PGM5: variants seen among roughly 807,000 people sequenced by gnomAD.
The protein encoded by PGM5 is phosphoglucomutase 5.
PGM5 carries 23 observed loss-of-function variants against 59.2 expected under a neutral mutation model. The ratio of observed to expected loss-of-function variants is 0.39; its 90% CI spans 0.28 to 0.55. The LOEUF is 0.55. Ranked by LOEUF, PGM5 falls within the 20% of genes least tolerant of loss-of-function variation. The probability of loss-of-function intolerance (pLI) is 0.66; values close to 1 mark genes in which losing one functional copy is unlikely to be tolerated. For missense variants in PGM5, 574 were observed against 748.3 expected, an observed-to-expected ratio of 0.77 and a Z score of 2.72; for synonymous variants, 214 against 286.0, an observed-to-expected ratio of 0.75 and a Z score of 2.54.
At chr9:68,388,930 C>G (rs1369563301) in intron 4 of PGM5, among the ~76,000 whole-genome samples, 1 of 151,812 alleles carries the variant, frequency 6.6e-6, no homozygotes, top group Non-Finnish European at 1.5e-5. Context: ...CCTGATGGAC[C>G]CTTTCAGTCT....
intron 6 of PGM5, among the ~76,000 whole-genome samples, chr9:68,407,112 G>C (rs1822837356): frequency 6.6e-6 from 1 of 151,920 alleles, no homozygotes. Context: ...GAGCCTTTCA[G>C]TTAGTGACCT....
intron 10 of PGM5, among the ~76,000 whole-genome samples, chr9:68,504,694 A>G (rs540157052): frequency 2.0e-5 from 3 of 152,006 alleles, no homozygotes; most frequent in African/African-American, 7.2e-5. Context: ...TCTCCATGGC[A>G]TTTATCCTCA....
chr9:68,466,270 GTT>G (rs35091577), intron 7 of PGM5: 6,039 of 548,764 alleles, frequency 0.011, 17 homozygotes, highest in African/African-American at 0.04. Context: ...GATACTGTGT[GTT>G]TTTTTTTTTT....
chr9:68,423,655 GTCTC>G (rs111849049), intron 6 of PGM5, among the ~76,000 whole-genome samples: 112 of 145,854 alleles, frequency 7.7e-4, no homozygotes, highest in South Asian at 1.1e-3. Context: ...CTCTCTCTCT[GTCTC>G]TCTCTCTCTC....
intron 1 of PGM5, among the ~76,000 whole-genome samples, chr9:68,366,378 T>A (rs1436657956): frequency 3.9e-5 from 6 of 152,250 alleles, no homozygotes; most frequent in African/African-American, 1.4e-4. Context: ...TAAATTTATA[T>A]GTAGTATGAA....
At chr9:68,466,958 C>T (rs782484696) in intron 7 of PGM5, among the ~76,000 whole-genome samples, 2 of 152,076 alleles carry the variant, frequency 1.3e-5, no homozygotes, top group Admixed American at 6.5e-5. Flanking sequence ...TACTTTTGCC[C>T]GTCTCTCAGA....
At chr9:68,464,469 C>G (rs1307817909) in intron 6 of PGM5, 1 of 152,344 alleles carries the variant, frequency 6.6e-6, no homozygotes, top group Non-Finnish European at 1.5e-5. Context: ...TTATATATCC[C>G]TTTATACCAG....
intron 10 of PGM5, among the ~76,000 whole-genome samples, chr9:68,518,032 G>T (rs533761203): frequency 1.3e-5 from 2 of 152,330 alleles, no homozygotes; most frequent in South Asian, 4.1e-4. Context: ...GGAGGATCTG[G>T]TCTATTACAG....
chr9:68,400,420 G>A (rs1822635523), intron 6 of PGM5, among the ~76,000 whole-genome samples: 1 of 152,058 alleles, frequency 6.6e-6, no homozygotes, highest in South Asian at 2.1e-4. Context: ...TCCCTGAAAT[G>A]TATTCCCTTT....
At chr9:68,466,228 T>A in intron 7 of PGM5, 8 of 1,246,936 alleles carry the variant, frequency 6.4e-6, no homozygotes, top group Non-Finnish European at 8.3e-6. Flanking sequence ...TCCAATCTGC[T>A]GATGAGCCTG....
intron 6 of PGM5, among the ~76,000 whole-genome samples, chr9:68,457,169 T>G (rs187839423): frequency 1.3e-3 from 194 of 152,354 alleles, no homozygotes; most frequent in Non-Finnish European, 1.9e-3. Context: ...TTACTTCTTT[T>G]TTTTAGTGTC....
intron 6 of PGM5, among the ~76,000 whole-genome samples, chr9:68,406,703 T>C (rs1201044113): frequency 4.8e-5 from 4 of 82,714 alleles, no homozygotes; most frequent in Admixed American, 2.5e-4. Context: ...TATATATATA[T>C]ATATATATAT....
chr9:68,503,007 T>C (rs1177243269), intron 10 of PGM5, among the ~76,000 whole-genome samples: 3 of 152,170 alleles, frequency 2.0e-5, no homozygotes, highest in Non-Finnish European at 4.4e-5. Flanking sequence ...GTATTTTTGA[T>C]AAACTGTACC....
At chr9:68,423,546 T>C (rs11142335) in intron 6 of PGM5, among the ~76,000 whole-genome samples, 72,775 of 151,484 alleles carry the variant, frequency 0.48, 18,062 homozygotes, top group South Asian at 0.56. Context: ...GAGAATGGCA[T>C]GCAGAGCTGA....
intron 6 of PGM5, chr9:68,396,997 T>C (rs1474597488): frequency 1.3e-5 from 2 of 152,572 alleles, no homozygotes; most frequent in Non-Finnish European, 2.9e-5. Flanking sequence ...TCACAGATAA[T>C]TGTGGCTCCC....
rs782088032 is a variant in PGM5, at chr9:68,376,817, C to CTT, written c.262-1380_262-1379dup. On this transcript the variant is annotated intron_variant, in intron 1 of 10. Coordinates refer to ENST00000396396, the MANE Select transcript of PGM5 (RefSeq NM_021965.4). ...TCTTTCTTTCTTTCTTTCTTTCTTT[C>CTT]TTTCTTTCTTTCTTTCTCTTTCTTT... 3.3e-4 allele frequency among the ~76,000 whole-genome samples: 24 copies of CTT among 72,032 alleles called. 2 individuals carry two copies. The highest frequency in any genetic ancestry group is 1.1e-3 in the African/African-American group (20 of 18,302). 47.3% of individuals were successfully genotyped at this position (72,032 alleles called of 152,430 possible). A position where few individuals can be genotyped will look rare whatever the true frequency, so the allele number is the denominator to read the frequency against.
chr9:68,491,819 C>T (rs1432834234), intron 9 of PGM5, among the ~76,000 whole-genome samples: 2 of 152,138 alleles, frequency 1.3e-5, no homozygotes, highest in Non-Finnish European at 2.9e-5. Context: ...CTGGGCAACA[C>T]AGCGAGACCT....
At chr9:68,430,207 G>A (rs889606461) in intron 6 of PGM5, among the ~76,000 whole-genome samples, 3 of 152,164 alleles carry the variant, frequency 2.0e-5, no homozygotes, top group Admixed American at 2.0e-4. Context: ...TTAACAATGG[G>A]ATATTTGTCA....
chr9:68,468,772 G>T (rs1223720179), intron 7 of PGM5, among the ~76,000 whole-genome samples: 3 of 151,920 alleles, frequency 2.0e-5, no homozygotes, highest in Non-Finnish European at 4.4e-5. Context: ...TTTACATTTT[G>T]CCCTTATTAT....
Sources: gnomAD v4.1 joint callset for allele counts (sites outside exome capture counted in the v4.1 genomes callset) on GRCh38, gnomAD v4.1.1 for gene constraint, MANE v1.5 for transcripts, NCBI Gene and HGNC (gene_info 2026-07-23, HGNC 2026-07-21) for gene names.